The following SMR3B variants were observed in gnomAD, a reference collection of about 807,000 sequenced individuals.
The protein encoded by SMR3B is submaxillary gland androgen regulated protein 3B.
For synonymous variants in SMR3B, 42 were observed against 36.1 expected, an observed-to-expected ratio of 1.16 and a Z score of -0.59; for missense variants, 114 against 99.9, an observed-to-expected ratio of 1.14 and a Z score of -0.60.
rs145002625 is a variant in SMR3B, at chr4:70,388,994, C to A, written c.55-669C>A. Among the ~76,000 whole-genome samples, 1,271 of 152,156 alleles carry A rather than the reference C, an allele frequency of 8.4e-3. 13 individuals are homozygous for A. Among genetic ancestry groups the A allele is most frequent in the African/African-American group, 0.029 (1,210 of 41,492 alleles). On this transcript the variant is annotated intron_variant, in intron 2 of 2. Coordinates refer to ENST00000304915, the MANE Select transcript of SMR3B (RefSeq NM_006685.4). ...ATATATTTTTTTAGTCAATACTATC[C>A]CTGCTTTCATTGAGAGCCTACGTAT...
chr4:70,384,118 T>C lies in SMR3B; in HGVS notation c.-14-379T>C, dbSNP rs116433679. On this transcript the variant is annotated intron_variant, in intron 1 of 2. Transcript: ENST00000304915. Reference sequence around the variant, plus strand: ...CAAACCCATCCATAGAAATCTATAATGTATCTACTATTTTTAAAATATCAA... The same window carrying C: ...CAAACCCATCCATAGAAATCTATAACGTATCTACTATTTTTAAAATATCAA... Among the ~76,000 whole-genome samples, 834 of 152,182 alleles carry C rather than the reference T, an allele frequency of 5.5e-3. 3 individuals carry two copies. Among genetic ancestry groups the C allele is most frequent in the Non-Finnish European group, 8.9e-3 (607 of 67,980 alleles).
At chr4:70,383,636 T>G (rs1015192522) in intron 1 of SMR3B, among the ~76,000 whole-genome samples, 1 of 152,158 alleles carries the variant, frequency 6.6e-6, no homozygotes, top group Admixed American at 6.5e-5. Flanking sequence ...GTTAAAGGAA[T>G]AGCCACACCC....
Position 70,390,166 on chromosome 4 carries a change from T to C in SMR3B, c.*318T>C. On this transcript the variant is annotated 3_prime_UTR_variant, in exon 3 of 3. Transcript: ENST00000304915. ...TGCTGAGCTTTGGGGAGAAATAATC[T>C]TAGAAAGAAATTGTAGAAAAAACCC... The C allele has an allele frequency of 1.6e-6, 1 of 633,024 alleles. No individual in the cohort carries two copies. Among genetic ancestry groups the C allele is most frequent in the Non-Finnish European group, 2.8e-6 (1 of 355,724 alleles). The allele number at this position is 633,024 out of a possible 1,614,324, so 39.2% of individuals were successfully genotyped here.
At chr4:70,389,208 T>A (rs1399131799) in intron 2 of SMR3B, among the ~76,000 whole-genome samples, 1 of 152,204 alleles carries the variant, frequency 6.6e-6, no homozygotes, top group African/African-American at 2.4e-5. Context: ...CTCTGCTCAG[T>A]CTCACAAGGC....
intron 2 of SMR3B, among the ~76,000 whole-genome samples, chr4:70,387,767 T>G (rs1401495816): frequency 6.6e-6 from 1 of 152,074 alleles, no homozygotes; most frequent in Admixed American, 6.6e-5. Context: ...GGCATCAACT[T>G]GGAAAATTAC....
At chr4:70,388,695 G>A (rs779906947) in intron 2 of SMR3B, among the ~76,000 whole-genome samples, 3 of 152,002 alleles carry the variant, frequency 2.0e-5, no homozygotes, top group African/African-American at 7.2e-5. Flanking sequence ...TATTTATCCT[G>A]CCTTGTATTG....
chr4:70,390,063 T>C lies in SMR3B; in HGVS notation c.*215T>C, dbSNP rs1368443144. On this transcript the variant is annotated 3_prime_UTR_variant, in exon 3 of 3. Coordinates refer to ENST00000304915, the MANE Select transcript of SMR3B (RefSeq NM_006685.4). ...ACTACTGCTTCTACTACCCAAAATA[T>C]GAATTCCAACACTGCTTCCAAGAGA... 1.1e-6 allele frequency: 1 copy of C among 944,488 alleles called. No individual in the cohort carries two copies. Among genetic ancestry groups the C allele is most frequent in the Non-Finnish European group, 1.7e-6 (1 of 581,474 alleles). 58.5% of individuals were successfully genotyped at this position (944,488 alleles called of 1,614,324 possible).
At chr4:70,385,697 C>A (rs894446797) in intron 2 of SMR3B, among the ~76,000 whole-genome samples, 1 of 151,880 alleles carries the variant, frequency 6.6e-6, no homozygotes, top group Non-Finnish European at 1.5e-5. Flanking sequence ...AGCCACCGTG[C>A]CCGGCCTCAT....
intron 2 of SMR3B, among the ~76,000 whole-genome samples, chr4:70,387,274 G>A (rs1191512004): frequency 6.6e-6 from 1 of 152,160 alleles, no homozygotes; most frequent in South Asian, 2.1e-4. Flanking sequence ...AAGTGTAAGA[G>A]TAGAATCAAG....
chr4:70,384,555 G>T lies in SMR3B; in HGVS notation c.45G>T (p.Ala15=), dbSNP rs200141400. The T allele has an allele frequency of 1.2e-6, 2 of 1,608,038 alleles. No individual in the cohort carries two copies. The highest frequency in any genetic ancestry group is 2.2e-5 in the East Asian group (1 of 44,782). The change falls in exon 2 of 3, where the codon GCG becomes GCT. Residue 15 remains alanine, a synonymous_variant. Coordinates refer to ENST00000304915, the MANE Select transcript of SMR3B (RefSeq NM_006685.4). The part of the protein sequence containing the change: ...TWILGLWALA[A]CFTPGESQRG... ...TCTTGGGCCTTTGGGCTCTTGCAGC[G>T]TGTTTCACAGTAAGTATCATTAATC...
At chr4:70,388,205 C>T (rs887807508) in intron 2 of SMR3B, among the ~76,000 whole-genome samples, 2 of 152,148 alleles carry the variant, frequency 1.3e-5, no homozygotes, top group African/African-American at 4.8e-5. Context: ...AATCCTTCAT[C>T]ATTTTCCTAT....
chr4:70,384,410 T>C, intron 1 of SMR3B, 87 bp from the exon 2 acceptor site: 1 of 1,578,126 alleles, frequency 6.3e-7, no homozygotes, highest in Non-Finnish European at 8.6e-7. Context: ...ATATTTGTAT[T>C]ACATTATATC....
At chr4:70,385,761 G>A (rs1219340764) in intron 2 of SMR3B, among the ~76,000 whole-genome samples, 1 of 151,982 alleles carries the variant, frequency 6.6e-6, no homozygotes, top group African/African-American at 2.4e-5. Flanking sequence ...GAGGTAGTCT[G>A]ACCTTGGCTA....
At position 70,384,526 on chromosome 4, in the gene SMR3B, T is replaced by C; in HGVS notation, c.16T>C (p.Trp6Arg). 6.2e-7 allele frequency: 1 copy of C among 1,610,914 alleles called. No homozygotes were observed. The highest frequency in any genetic ancestry group is 8.5e-7 in the Non-Finnish European group (1 of 1,178,232). The change falls in exon 2 of 3, where the codon TGG becomes CGG. Residue 6 changes from tryptophan to arginine, a missense_variant. Transcript: ENST00000304915. ...AACTGAAAGGATGAAATCACTGACT[T>C]GGATCTTGGGCCTTTGGGCTCTTGC... MKSLT[W>R]ILGLWALAAC...
chr4:70,385,561 G>A (rs1732647952), intron 2 of SMR3B, among the ~76,000 whole-genome samples: 1 of 151,902 alleles, frequency 6.6e-6, no homozygotes, highest in Non-Finnish European at 1.5e-5. Flanking sequence ...CCGCCACCAC[G>A]GCCGGCTAAT....
At chr4:70,387,803 T>G (rs1259474923) in intron 2 of SMR3B, among the ~76,000 whole-genome samples, 1 of 152,102 alleles carries the variant, frequency 6.6e-6, no homozygotes, top group Non-Finnish European at 1.5e-5. Context: ...TGGGAAGAGA[T>G]AATCTAAGAT....
At chr4:70,385,919 T>C (rs918195311) in intron 2 of SMR3B, among the ~76,000 whole-genome samples, 3 of 152,100 alleles carry the variant, frequency 2.0e-5, no homozygotes, top group Non-Finnish European at 2.9e-5. Flanking sequence ...AAAACATTTA[T>C]AATTTCAAAG....
intron 2 of SMR3B, among the ~76,000 whole-genome samples, chr4:70,385,823 A>G (rs1026132348): frequency 6.6e-6 from 1 of 152,170 alleles, no homozygotes; most frequent in African/African-American, 2.4e-5. Context: ...CCAATAAAAT[A>G]TATTGATATA....
intron 2 of SMR3B, chr4:70,384,940 T>C (rs10004188): frequency 0.71 from 117,266 of 166,076 alleles, 41,782 homozygotes; most frequent in African/African-American, 0.78. Flanking sequence ...AACTCACTTA[T>C]TAAAAATATA....
Sources: gnomAD v4.1 joint callset for allele counts (sites outside exome capture counted in the v4.1 genomes callset) on GRCh38, gnomAD v4.1.1 for gene constraint, MANE v1.5 for transcripts, NCBI Gene and HGNC (gene_info 2026-07-23, HGNC 2026-07-21) for gene names.